Variants in ELMO1 observed in about 807,000 individuals in gnomAD.
ELMO1 encodes engulfment and cell motility protein 1.
Under a neutral mutation model 98.9 loss-of-function variants are expected in ELMO1, and 26 were observed. That is an observed-to-expected ratio of 0.26 (90% confidence interval 0.19 to 0.36). The LOEUF (loss-of-function observed/expected upper bound fraction) is 0.36. Ranked by LOEUF, ELMO1 falls within the 10% of genes least tolerant of loss-of-function variation. ELMO1 has a pLI of 1.00. For missense variants in ELMO1, 627 were observed against 935.2 expected (o/e 0.67, Z 4.30); for synonymous variants, 346 against 346.0 (o/e 1.00, Z 0.00).
chr7:36,984,338 G>C (rs973740458), intron 16 of ELMO1, among the ~76,000 whole-genome samples: 4 of 152,202 alleles, frequency 2.6e-5, no homozygotes, highest in African/African-American at 9.7e-5. Context: ...ACAGGTCACT[G>C]ACCTTGTCAA....
intron 1 of ELMO1, among the ~76,000 whole-genome samples, chr7:37,413,659 C>T (rs538329418): frequency 1.3e-5 from 2 of 152,202 alleles, no homozygotes; most frequent in Admixed American, 6.5e-5. Context: ...AGGAAAACAC[C>T]CTTCAGCACT....
At chr7:37,423,371 G>A (rs1583735260) in intron 1 of ELMO1, among the ~76,000 whole-genome samples, 1 of 152,206 alleles carries the variant, frequency 6.6e-6, no homozygotes. Flanking sequence ...CCTGAGGTCA[G>A]GAGTTTGAGA....
chr7:36,907,866 G>A (rs771045611), intron 16 of ELMO1, among the ~76,000 whole-genome samples: 8 of 152,108 alleles, frequency 5.3e-5, no homozygotes, highest in Admixed American at 2.0e-4. Flanking sequence ...CCACCAATCC[G>A]CTAAATTTGG....
At chr7:37,386,322 C>T (rs1302230463) in intron 1 of ELMO1, among the ~76,000 whole-genome samples, 1 of 151,466 alleles carries the variant, frequency 6.6e-6, no homozygotes, top group Admixed American at 6.6e-5. Context: ...CAGAAGGTGA[C>T]AGAGATAGAT....
chr7:37,227,591 G>A (rs1793938435), intron 8 of ELMO1, among the ~76,000 whole-genome samples: 1 of 151,992 alleles, frequency 6.6e-6, no homozygotes, highest in South Asian at 2.1e-4. Context: ...TCACCAGATT[G>A]GCCAGGCTGA....
At chr7:36,926,658 T>G (rs1785603723) in intron 16 of ELMO1, among the ~76,000 whole-genome samples, 1 of 152,152 alleles carries the variant, frequency 6.6e-6, no homozygotes, top group African/African-American at 2.4e-5. Flanking sequence ...CTTAGTGTCT[T>G]ACACTAACCC....
At chr7:36,959,890 AG>A (rs1345027127) in intron 16 of ELMO1, among the ~76,000 whole-genome samples, 2 of 152,128 alleles carry the variant, frequency 1.3e-5, no homozygotes, top group Non-Finnish European at 2.9e-5. Flanking sequence ...CATTTTGGCC[AG>A]GCTGGTCTTG....
At chr7:36,969,829 C>T (rs1481223760) in intron 16 of ELMO1, among the ~76,000 whole-genome samples, 1 of 152,112 alleles carries the variant, frequency 6.6e-6, no homozygotes, top group Non-Finnish European at 1.5e-5. Flanking sequence ...AATCATATTT[C>T]TTTAATAATT....
chr7:37,423,491 A>G (rs1472197947), intron 1 of ELMO1, among the ~76,000 whole-genome samples: 1 of 152,172 alleles, frequency 6.6e-6, no homozygotes, highest in Non-Finnish European at 1.5e-5. Context: ...GAGGCAGGAG[A>G]ATCGCTTGAA....
intron 20 of ELMO1, among the ~76,000 whole-genome samples, chr7:36,865,971 T>C (rs1397481107): frequency 6.6e-6 from 1 of 152,238 alleles, no homozygotes; most frequent in Non-Finnish European, 1.5e-5. Context: ...TTCAGTAGAA[T>C]ATGCTTCCTA....
rs1292583061 is a variant in ELMO1 at position 36,894,910 on chromosome 7, C to T, written c.1545G>A (p.Leu515=). The change falls in exon 17 of 22, where the codon CTG becomes CTA. Residue 515 remains leucine, a synonymous_variant. Transcript: ENST00000310758. ...TCATCCTCTCGGACTGGCGGATTTT[C>T]AGGATCTCAGTGTAGCTCAGGTTCT... ...KLQNLSYTEI[L]KIRQSERMNQ... 3 of 1,614,018 alleles carry T rather than the reference C, an allele frequency of 1.9e-6. No individual in the cohort carries two copies. Among genetic ancestry groups the T allele is most frequent in the Non-Finnish European group, 2.5e-6 (3 of 1,180,008 alleles).
At chr7:37,375,171 G>T (rs1802283966) in intron 1 of ELMO1, among the ~76,000 whole-genome samples, 1 of 152,168 alleles carries the variant, frequency 6.6e-6, no homozygotes, top group Non-Finnish European at 1.5e-5. Context: ...GCAACACAGT[G>T]TTCAAGAGAA....
At chr7:36,984,854 G>C (rs1791379149) in intron 16 of ELMO1, 1 of 952,114 alleles carries the variant, frequency 1.1e-6, no homozygotes, top group African/African-American at 1.8e-5. Context: ...AAAGATCTTA[G>C]GCAGAGATAG....
intron 1 of ELMO1, among the ~76,000 whole-genome samples, chr7:37,417,659 G>GTC (rs1401070208): frequency 1.1e-4 from 12 of 104,974 alleles, no homozygotes; most frequent in South Asian, 7.4e-4. Flanking sequence ...GTAAGACTCC[G>GTC]TCACACACAC....
At chr7:37,166,001 T>C in intron 13 of ELMO1, among the ~76,000 whole-genome samples, 2 of 152,230 alleles carry the variant, frequency 1.3e-5, no homozygotes, top group Non-Finnish European at 2.9e-5. Context: ...TATTAATTAT[T>C]GCCACAATTT....
At chr7:37,389,755 G>A (rs1026506753) in intron 1 of ELMO1, among the ~76,000 whole-genome samples, 3 of 152,170 alleles carry the variant, frequency 2.0e-5, no homozygotes, top group African/African-American at 7.2e-5. Context: ...TGTCAGGAGT[G>A]TAGGGGAACC....
chr7:37,361,232 A>G (rs1021570317), intron 1 of ELMO1, among the ~76,000 whole-genome samples: 1 of 152,240 alleles, frequency 6.6e-6, no homozygotes, highest in Non-Finnish European at 1.5e-5. Context: ...CAAAAGCTCA[A>G]AACAACTCAA....
intron 13 of ELMO1, among the ~76,000 whole-genome samples, chr7:37,192,170 T>C (rs574581982): frequency 2.4e-4 from 36 of 152,228 alleles, no homozygotes; most frequent in African/African-American, 6.3e-4. Flanking sequence ...ATGTGTCACA[T>C]TGATTAGCAG....
chr7:36,875,963 G>C (rs1224404734), intron 19 of ELMO1, among the ~76,000 whole-genome samples: 1 of 152,172 alleles, frequency 6.6e-6, no homozygotes, highest in Non-Finnish European at 1.5e-5. Flanking sequence ...TGTCCTGTTA[G>C]TGGGAGAGCA....
Sources: gnomAD v4.1 joint callset for allele counts (sites outside exome capture counted in the v4.1 genomes callset) on GRCh38, gnomAD v4.1.1 for gene constraint, MANE v1.5 for transcripts, NCBI Gene and HGNC (gene_info 2026-07-23, HGNC 2026-07-21) for gene names.